Variants in DRICH1 observed in about 807,000 individuals in gnomAD.
DRICH1 encodes aspartate-rich protein 1.
DRICH1 carries 38 observed loss-of-function variants against 39.5 expected under a neutral mutation model. The ratio of observed to expected loss-of-function variants is 0.96; its 90% CI spans 0.74 to 1.26. The LOEUF is 1.26. Ranked by LOEUF, DRICH1 falls within the 50% of genes most tolerant of loss-of-function variation. The pLI is 0.00. For synonymous variants in DRICH1, 84 were observed against 99.5 expected, an observed-to-expected ratio of 0.84 and a Z score of 0.93; for missense variants, 279 against 270.4, an observed-to-expected ratio of 1.03 and a Z score of -0.22.
intron 1 of DRICH1, among the ~76,000 whole-genome samples, chr22:23,626,981 G>C (rs1928102818): frequency 6.6e-6 from 1 of 152,004 alleles, no homozygotes. Context: ...AGATGTGAAA[G>C]AGCATTCTGC....
chr22:23,591,262 C>T, the DRICH1 span, among the ~76,000 whole-genome samples: 2 of 152,190 alleles, frequency 1.3e-5, no homozygotes, highest in Non-Finnish European at 2.9e-5. Flanking sequence ...CCTCCTCCCC[C>T]AGTTCAGCTT....
rs1420223733 is a variant in DRICH1, at chr22:23,624,958, C to A, written c.277-54G>T. 5 of 1,581,466 alleles carry A rather than the reference C, an allele frequency of 3.2e-6. No individual in the cohort carries two copies. In the Admixed American group the frequency reaches 6.8e-5, roughly 21 times the overall value. ...AGGATCAGATCAATTCTGCTGCACC[C>A]CCTACACAGATCAGTTATTCTCTTG... On this transcript the variant is annotated intron_variant, in intron 2 of 11. Coordinates refer to ENST00000317749, the MANE Select transcript of DRICH1 (RefSeq NM_016449.4).
At chr22:23,627,688 G>A (rs1407470135) in intron 1 of DRICH1, among the ~76,000 whole-genome samples, 4 of 152,160 alleles carry the variant, frequency 2.6e-5, no homozygotes, top group Admixed American at 2.6e-4. Flanking sequence ...TGCACAGCCT[G>A]TCTAGACAGG....
chr22:23,609,044 C>A (rs1926888752), intron 11 of DRICH1, among the ~76,000 whole-genome samples: 1 of 152,186 alleles, frequency 6.6e-6, no homozygotes, highest in Non-Finnish European at 1.5e-5. Flanking sequence ...CCGTTATCAG[C>A]TTCTGGGATT....
chr22:23,617,815 G>A (rs989924718), intron 6 of DRICH1, among the ~76,000 whole-genome samples, 158 bp from the exon 7 acceptor site: 4 of 144,526 alleles, frequency 2.8e-5, no homozygotes, highest in Non-Finnish European at 4.6e-5. Context: ...CAGGCATGAG[G>A]CATGGAGGCC....
At chr22:23,622,982 T>TGTATACCAATACAA (rs1256508682) in intron 3 of DRICH1, among the ~76,000 whole-genome samples, 1 of 152,242 alleles carries the variant, frequency 6.6e-6, no homozygotes, top group East Asian at 1.9e-4. Context: ...AATGAGGAAA[T>TGTATACCAATACAA]GTATACCAAT....
intron 11 of DRICH1, among the ~76,000 whole-genome samples, chr22:23,612,243 ATC>A (rs1331310697): frequency 3.3e-5 from 5 of 152,108 alleles, no homozygotes; most frequent in Non-Finnish European, 5.9e-5. Flanking sequence ...AGGCGGGCAG[ATC>A]GCCTGAGCTG....
chr22:23,609,396 A>G (rs1280314383), intron 11 of DRICH1, among the ~76,000 whole-genome samples: 2 of 152,162 alleles, frequency 1.3e-5, no homozygotes, highest in African/African-American at 4.8e-5. Context: ...TGCCTTGTAC[A>G]TTGTGGGTAC....
rs192587446 is a variant in DRICH1 at position 23,630,340 on chromosome 22, C to T, written c.208+1476G>A. On this transcript the variant is annotated intron_variant, in intron 1 of 11. Coordinates refer to ENST00000317749, the MANE Select transcript of DRICH1 (RefSeq NM_016449.4). Reference sequence around the variant, plus strand: ...GTTGAGTAATGCAGACCATCAACATCGGGACCCATTTCTGGGTTCACTTTT... The same window carrying T: ...GTTGAGTAATGCAGACCATCAACATTGGGACCCATTTCTGGGTTCACTTTT... 9.9e-5 allele frequency among the ~76,000 whole-genome samples: 15 copies of T among 152,208 alleles called. No homozygotes were observed. In the East Asian group the frequency reaches 1.9e-3, roughly 20 times the overall value.
At chr22:23,609,947 A>G (rs1926945674) in intron 11 of DRICH1, among the ~76,000 whole-genome samples, 1 of 151,698 alleles carries the variant, frequency 6.6e-6, no homozygotes, top group Admixed American at 6.6e-5. Flanking sequence ...GCATCCTCCT[A>G]TGTGGGGCTG....
the DRICH1 span, among the ~76,000 whole-genome samples, chr22:23,599,658 G>A: frequency 6.6e-6 from 1 of 152,138 alleles, no homozygotes; most frequent in Non-Finnish European, 1.5e-5. Flanking sequence ...TCACTCCTGT[G>A]CCTTTGCTCA....
At chr22:23,621,577 T>C (rs939885301) in intron 4 of DRICH1, among the ~76,000 whole-genome samples, 6 of 151,996 alleles carry the variant, frequency 3.9e-5, no homozygotes, top group African/African-American at 9.7e-5. Flanking sequence ...TGTCTGCCCA[T>C]AAGGTACCGG....
At chr22:23,620,767 C>A (rs1196136153) in intron 4 of DRICH1, 152 bp from the exon 5 acceptor site, 9 of 859,896 alleles carry the variant, frequency 1.0e-5, no homozygotes, top group South Asian at 3.0e-5. Context: ...GCATAGAGAA[C>A]ACCTGTGGAA....
chr22:23,625,590 A>G (rs1049329516), intron 2 of DRICH1, among the ~76,000 whole-genome samples: 1 of 152,130 alleles, frequency 6.6e-6, no homozygotes, highest in Non-Finnish European at 1.5e-5. Context: ...CTGCCCAACT[A>G]CTTAGGTCAT....
chr22:23,590,849 C>T, the DRICH1 span, among the ~76,000 whole-genome samples: 2 of 152,002 alleles, frequency 1.3e-5, no homozygotes. Flanking sequence ...GAACTCCTGA[C>T]CTAAAGGGAT....
chr22:23,625,997 T>A lies in DRICH1; in HGVS notation c.260A>T (p.Asp87Val). Reference protein sequence around the residue: ...SLKFLPSSEEDNDDAKILPSP... With the variant: ...SLKFLPSSEEVNDDAKILPSP... ...GGGTCTTACCTTGGCATCATCATTG[T>A]CTTCCTCACTTGATGGCAGAAATTT... Residue 87 changes from aspartate to valine, a missense_variant, in exon 2 of 12, where the codon GAC becomes GTC. Transcript: ENST00000317749. The A allele has an allele frequency of 6.2e-7, 1 of 1,613,210 alleles. No homozygotes were observed. The highest frequency in any genetic ancestry group is 8.5e-7 in the Non-Finnish European group (1 of 1,179,462).
At chr22:23,613,706 T>C in intron 9 of DRICH1, 46 bp from the exon 10 acceptor site, 1 of 1,417,508 alleles carries the variant, frequency 7.1e-7, no homozygotes, top group Non-Finnish European at 9.9e-7. Context: ...GATTCTGCTG[T>C]GCGCTTCACA....
At chr22:23,590,278 A>ATTTTTTTTTTTTTTTTT in the DRICH1 span, among the ~76,000 whole-genome samples, 1 of 137,528 alleles carries the variant, frequency 7.3e-6, no homozygotes. Context: ...CAGCCCTTTG[A>ATTTTTTTTTTTTTTTTT]TTTTTTTTTT....
intron 4 of DRICH1, among the ~76,000 whole-genome samples, chr22:23,621,451 A>G (rs544769632): frequency 2.0e-5 from 3 of 151,988 alleles, no homozygotes; most frequent in African/African-American, 4.8e-5. Context: ...CCCCTCCCCA[A>G]CAATCAATAT....
Sources: gnomAD v4.1 joint callset for allele counts (sites outside exome capture counted in the v4.1 genomes callset) on GRCh38, gnomAD v4.1.1 for gene constraint, MANE v1.5 for transcripts, NCBI Gene and HGNC (gene_info 2026-07-23, HGNC 2026-07-21) for gene names.